Variants in NYAP2 observed in about 807,000 individuals in gnomAD.
NYAP2 encodes the protein neuronal tyrosine-phosphorylated phosphoinositide-3-kinase adapter 2.
In NYAP2, 23 loss-of-function variants were observed where a neutral mutation model predicts 50.4. The ratio of observed to expected loss-of-function variants is 0.46; its 90% CI spans 0.33 to 0.65. The LOEUF (loss-of-function observed/expected upper bound fraction) is 0.65, where lower values mean the gene tolerates loss of function less well. Among genes scored for constraint, NYAP2 ranks in the 30% least tolerant of loss-of-function variants. The probability of loss-of-function intolerance (pLI) is 0.02; values close to 1 mark genes in which losing one functional copy is unlikely to be tolerated. For missense variants in NYAP2, 885 were observed against 861.0 expected, an observed-to-expected ratio of 1.03 and a Z score of -0.35; for synonymous variants, 394 against 365.2, an observed-to-expected ratio of 1.08 and a Z score of -0.90.
intron 3 of NYAP2, among the ~76,000 whole-genome samples, chr2:225,423,369 C>T (rs571896166): frequency 6.6e-6 from 1 of 152,276 alleles, no homozygotes; most frequent in East Asian, 1.9e-4. Flanking sequence ...GTGTAAGCTG[C>T]CTTCAGCAAA....
chr2:225,686,641 AG>A, the NYAP2 span, among the ~76,000 whole-genome samples: 1 of 152,148 alleles, frequency 6.6e-6, no homozygotes, highest in African/African-American at 2.4e-5. Flanking sequence ...TTACCTTTAG[AG>A]GGACTTCTTT....
the NYAP2 span, among the ~76,000 whole-genome samples, chr2:225,675,457 T>A: frequency 6.6e-6 from 1 of 152,170 alleles, no homozygotes; most frequent in East Asian, 1.9e-4. Flanking sequence ...TCATCCATAT[T>A]GCTGCAAAGG....
intron 4 of NYAP2, among the ~76,000 whole-genome samples, chr2:225,570,957 T>C (rs1167226627): frequency 6.6e-6 from 1 of 152,226 alleles, no homozygotes; most frequent in Non-Finnish European, 1.5e-5. Flanking sequence ...TAAATATGCA[T>C]GTTCCAAACA....
chr2:225,593,210 G>C (rs1692539736), intron 5 of NYAP2, among the ~76,000 whole-genome samples: 1 of 152,144 alleles, frequency 6.6e-6, no homozygotes, highest in African/African-American at 2.4e-5. Context: ...CTAGCACAAG[G>C]CTGGATGTCA....
the NYAP2 span, among the ~76,000 whole-genome samples, chr2:225,692,904 CAT>C: frequency 8.6e-5 from 13 of 151,936 alleles, 1 homozygote; most frequent in South Asian, 6.2e-4. Flanking sequence ...TATATTTACA[CAT>C]ATATGTGTGT....
Position 225,441,426 on chromosome 2 carries a change from A to G in NYAP2, c.221+32325A>G, listed in dbSNP as rs141309215. Among the ~76,000 whole-genome samples, 1,081 of 152,298 alleles carry G rather than the reference A, an allele frequency of 7.1e-3. 11 individuals carry two copies. The highest frequency in any genetic ancestry group is 0.024 in the African/African-American group (1,010 of 41,562). On this transcript the variant is annotated intron_variant, in intron 3 of 6. Transcript: ENST00000636099. ...GTAAATTTCAAAGTCTGATGGTCAC[A>G]TTTTAGAGCCCAGCTAGACTACTGT...
At chr2:225,513,744 G>C (rs1363986590) in intron 4 of NYAP2, 72 bp downstream of exon 4, 1 of 1,244,036 alleles carries the variant, frequency 8.0e-7, no homozygotes, top group Admixed American at 3.1e-5. Context: ...ATGCCCAGGG[G>C]CAAGTGCCTT....
chr2:225,649,213 A>G (rs1184788513), intron 6 of NYAP2, among the ~76,000 whole-genome samples: 1 of 152,216 alleles, frequency 6.6e-6, no homozygotes, highest in African/African-American at 2.4e-5. Context: ...CTGTTTACTT[A>G]GCACTAGCTC....
intron 6 of NYAP2, among the ~76,000 whole-genome samples, chr2:225,647,661 T>A (rs1271884699): frequency 6.6e-6 from 1 of 152,134 alleles, no homozygotes; most frequent in Non-Finnish European, 1.5e-5. Flanking sequence ...AATTTGAGTA[T>A]CTTCAGTGAA....
At position 225,582,299 on chromosome 2, in the gene NYAP2, G is replaced by A. The variant is rs762294837; in HGVS notation, c.882G>A (p.Ser294=). 23 of 1,613,994 alleles carry A rather than the reference G, an allele frequency of 1.4e-5. No homozygotes were observed. The Admixed American group carries it at 1.8e-4, about 13-fold the overall frequency. The change falls in exon 5 of 7, where the codon TCG becomes TCA. Residue 294 remains serine, a synonymous_variant. Coordinates refer to ENST00000636099, the Ensembl canonical transcript of NYAP2. The surrounding 1 kb of genome is among the most constrained non-coding windows in gnomAD (Gnocchi z 7.0). ...ACTTCGACCATCACAGCTGTTCTTCGCAGTGTGCTACTCCCACGGTGCCTG... is the reference window on the plus strand; with the variant it reads ...ACTTCGACCATCACAGCTGTTCTTCACAGTGTGCTACTCCCACGGTGCCTG...
the NYAP2 span, among the ~76,000 whole-genome samples, chr2:225,666,240 G>A: frequency 6.6e-6 from 1 of 152,006 alleles, no homozygotes; most frequent in African/African-American, 2.4e-5. Flanking sequence ...GCACCACCAA[G>A]CAAACACCAA....
At chr2:225,547,623 T>C (rs1303515910) in intron 4 of NYAP2, among the ~76,000 whole-genome samples, 2 of 152,186 alleles carry the variant, frequency 1.3e-5, no homozygotes, top group Non-Finnish European at 2.9e-5. Context: ...GAACCCACAA[T>C]CACTATACTC....
intron 5 of NYAP2, among the ~76,000 whole-genome samples, chr2:225,585,949 A>G (rs538924965): frequency 1.3e-5 from 2 of 152,360 alleles, no homozygotes; most frequent in East Asian, 3.9e-4. Context: ...GGGACAGAAT[A>G]AGTGATATGA....
intron 3 of NYAP2, among the ~76,000 whole-genome samples, chr2:225,420,555 G>A (rs1408895004): frequency 2.0e-5 from 3 of 151,842 alleles, no homozygotes; most frequent in South Asian, 2.1e-4. Flanking sequence ...AACAATAACC[G>A]ATAGCTGCTT....
At chr2:225,408,563 T>C (rs764286463) in intron 2 of NYAP2, among the ~76,000 whole-genome samples, 38 of 152,098 alleles carry the variant, frequency 2.5e-4, no homozygotes, top group Admixed American at 2.0e-4. Context: ...AAATTATTAT[T>C]GTAATTATGC....
At chr2:225,453,759 C>T (rs766209488) in intron 3 of NYAP2, among the ~76,000 whole-genome samples, 24 of 150,288 alleles carry the variant, frequency 1.6e-4, no homozygotes, top group Non-Finnish European at 3.0e-4. Context: ...CCTCTGCCTC[C>T]CAAATTTGAG....
At chr2:225,598,230 GA>G (rs1327885690) in intron 5 of NYAP2, among the ~76,000 whole-genome samples, 1 of 152,162 alleles carries the variant, frequency 6.6e-6, no homozygotes, top group Non-Finnish European at 1.5e-5. Context: ...ATGACACCAT[GA>G]TTGTGAAAGA....
the NYAP2 span, among the ~76,000 whole-genome samples, chr2:225,673,462 TAAA>T: frequency 2.0e-5 from 3 of 151,592 alleles, no homozygotes; most frequent in East Asian, 5.8e-4. Context: ...TCAATTTATT[TAAA>T]AAAAAATGCA....
At chr2:225,663,083 T>A in the NYAP2 span, among the ~76,000 whole-genome samples, 1 of 152,218 alleles carries the variant, frequency 6.6e-6, no homozygotes, top group South Asian at 2.1e-4. Flanking sequence ...TAACATTTTC[T>A]TTGAGCAAAA....
Sources: gnomAD v4.1 joint callset for allele counts (sites outside exome capture counted in the v4.1 genomes callset) on GRCh38, gnomAD v4.1.1 for gene constraint, Gnocchi (gnomAD v3.1) non-coding constraint, MANE v1.5 for transcripts, NCBI Gene and HGNC (gene_info 2026-07-23, HGNC 2026-07-21) for gene names.